AATF: variants seen among roughly 807,000 people sequenced by gnomAD.
AATF encodes protein AATF.
In AATF, 48 loss-of-function variants were observed where a neutral mutation model predicts 63.7. The ratio of observed to expected loss-of-function variants is 0.75; its 90% CI spans 0.60 to 0.96. The LOEUF (loss-of-function observed/expected upper bound fraction) is 0.96. Ranked by LOEUF, AATF falls within the 40% of genes least tolerant of loss-of-function variation. The pLI is 0.00. For synonymous variants in AATF, 258 were observed against 247.7 expected, an observed-to-expected ratio of 1.04 and a Z score of -0.39; for missense variants, 639 against 685.7, an observed-to-expected ratio of 0.93 and a Z score of 0.76.
At chr17:36,961,809 G>C (rs1034745723) in intron 4 of AATF, among the ~76,000 whole-genome samples, 54 of 152,066 alleles carry the variant, frequency 3.6e-4, no homozygotes, top group African/African-American at 1.2e-3. Context: ...TGAGTAGCTG[G>C]GATTACAGGC....
intron 4 of AATF, among the ~76,000 whole-genome samples, chr17:36,970,128 G>A (rs1173011402): frequency 6.6e-6 from 1 of 152,090 alleles, no homozygotes; most frequent in Non-Finnish European, 1.5e-5. Flanking sequence ...CATTTCTCTT[G>A]GGTAGCTAAG....
intron 4 of AATF, among the ~76,000 whole-genome samples, chr17:36,972,719 T>A (rs1422476141): frequency 6.6e-6 from 1 of 152,094 alleles, no homozygotes; most frequent in East Asian, 1.9e-4. Context: ...ATAGATGCAT[T>A]TATCATGATT....
intron 8 of AATF, among the ~76,000 whole-genome samples, chr17:37,017,898 A>G (rs1048071800): frequency 6.6e-6 from 1 of 152,158 alleles, no homozygotes; most frequent in African/African-American, 2.4e-5. Context: ...CATTTGAACC[A>G]CTGAAGCCCA....
rs1597714601 is a variant in AATF, at chr17:36,988,578, G to T, written c.1007G>T (p.Arg336Met). 1 of 1,614,142 alleles carries T rather than the reference G, an allele frequency of 6.2e-7. No individual in the cohort carries two copies. Among genetic ancestry groups the T allele is most frequent in the Non-Finnish European group, 8.5e-7 (1 of 1,180,012 alleles). ...GAAGAGAAGAAGCAGCAACGAAGAA[G>T]GGTCCCTGCAAAGAGGAAGCTGGAG... ...LVEEKKQQRR[R>M]VPAKRKLEME... is the part of the protein sequence containing the mutation. The change falls in exon 6 of 12, where the codon AGG becomes ATG. Residue 336 changes from arginine (R) to methionine (M), a missense_variant. Transcript: ENST00000619387.
intron 11 of AATF, among the ~76,000 whole-genome samples, chr17:37,050,889 A>G (rs1200302085): frequency 1.3e-5 from 2 of 152,218 alleles, no homozygotes; most frequent in African/African-American, 4.8e-5. Context: ...AAGAAGCAAC[A>G]AATGAACAAT....
intron 4 of AATF, among the ~76,000 whole-genome samples, chr17:36,967,680 A>T (rs573476888): frequency 2.0e-5 from 3 of 152,210 alleles, no homozygotes; most frequent in South Asian, 2.1e-4. Flanking sequence ...ATCCTCTCAT[A>T]GCTTGCTGAG....
chr17:36,954,262 T>G, intron 4 of AATF, among the ~76,000 whole-genome samples: 1 of 151,946 alleles, frequency 6.6e-6, no homozygotes, highest in East Asian at 1.9e-4. Context: ...AGGGATATTT[T>G]GTAGAGACAG....
At chr17:36,990,889 A>T in intron 8 of AATF, 32 bp downstream of exon 8, 2 of 1,452,658 alleles carry the variant, frequency 1.4e-6, no homozygotes, top group Non-Finnish European at 1.9e-6. Flanking sequence ...GTTACAAATC[A>T]TGTTTTAGCA....
At chr17:37,008,743 C>A (rs1057057733) in intron 8 of AATF, among the ~76,000 whole-genome samples, 1 of 152,124 alleles carries the variant, frequency 6.6e-6, no homozygotes, top group Admixed American at 6.5e-5. Context: ...CCTGTAGTCC[C>A]AGCTGCTCAG....
chr17:36,971,399 A>T (rs1374333058), intron 4 of AATF, among the ~76,000 whole-genome samples: 3 of 152,232 alleles, frequency 2.0e-5, no homozygotes, highest in African/African-American at 7.2e-5. Context: ...GGCCAAACAC[A>T]AATACACACC....
intron 10 of AATF, among the ~76,000 whole-genome samples, chr17:37,029,370 A>G (rs574198634): frequency 2.4e-4 from 36 of 151,770 alleles, no homozygotes; most frequent in Non-Finnish European, 4.7e-4. Context: ...CAGCCTCCCG[A>G]GTAGCTGGGA....
chr17:36,950,543 A>T, intron 2 of AATF, 138 bp downstream of exon 2: 1 of 903,944 alleles, frequency 1.1e-6, no homozygotes, highest in Non-Finnish European at 1.6e-6. Flanking sequence ...CTTGTTGCCC[A>T]GGCTGGAGTG....
At chr17:37,007,301 C>T (rs2071348635) in intron 8 of AATF, among the ~76,000 whole-genome samples, 1 of 151,994 alleles carries the variant, frequency 6.6e-6, no homozygotes, top group Non-Finnish European at 1.5e-5. Flanking sequence ...TATCTTTCCA[C>T]CTCAGCCTCC....
intron 4 of AATF, among the ~76,000 whole-genome samples, chr17:36,985,963 A>G (rs2071165658): frequency 6.6e-6 from 1 of 152,226 alleles, no homozygotes; most frequent in African/African-American, 2.4e-5. Context: ...ATATATTCTC[A>G]ATGCCCAAAT....
intron 4 of AATF, among the ~76,000 whole-genome samples, chr17:36,966,934 AT>A (rs1162432887): frequency 6.6e-6 from 1 of 152,202 alleles, no homozygotes; most frequent in Non-Finnish European, 1.5e-5. Context: ...CCTATATACA[AT>A]TTAAAGAGTC....
chr17:37,008,838 G>C (rs569060077), intron 8 of AATF, among the ~76,000 whole-genome samples: 2 of 152,240 alleles, frequency 1.3e-5, no homozygotes, highest in East Asian at 3.9e-4. Context: ...ACAAAGCAAG[G>C]GCCTGTCTCT....
intron 4 of AATF, among the ~76,000 whole-genome samples, chr17:36,965,983 T>C (rs760323437): frequency 2.0e-5 from 3 of 152,170 alleles, no homozygotes; most frequent in Non-Finnish European, 4.4e-5. Context: ...TCATTTTTTA[T>C]TTATTATGCT....
intron 4 of AATF, among the ~76,000 whole-genome samples, chr17:36,975,331 C>T (rs1338454695): frequency 6.6e-6 from 1 of 151,958 alleles, no homozygotes; most frequent in Non-Finnish European, 1.5e-5. Context: ...CCATTTGCCT[C>T]TAAATATTTC....
At chr17:37,050,713 T>G (rs149055895) in intron 11 of AATF, among the ~76,000 whole-genome samples, 65 of 152,306 alleles carry the variant, frequency 4.3e-4, no homozygotes, top group African/African-American at 1.4e-3. Flanking sequence ...GTGTGCTTTC[T>G]TCTTTTCCCT....
Sources: allele counts gnomAD v4.1 joint callset (sites outside exome capture counted in the v4.1 genomes callset), GRCh38; gene constraint gnomAD v4.1.1; transcripts MANE v1.5; gene names NCBI Gene and HGNC (gene_info 2026-07-23, HGNC 2026-07-21).